MAD1L1: variants seen among roughly 807,000 people sequenced by gnomAD.
MAD1L1 encodes the protein mitotic spindle assembly checkpoint protein MAD1.
In MAD1L1, 95 loss-of-function variants were observed where a neutral mutation model predicts 96.9. The ratio of observed to expected loss-of-function variants is 0.98; its 90% CI spans 0.83 to 1.16. The LOEUF (loss-of-function observed/expected upper bound fraction) is 1.16. Among genes scored for constraint, MAD1L1 ranks in the 50% most tolerant of loss-of-function variants. The probability of loss-of-function intolerance (pLI) is 0.00; values close to 1 mark genes in which losing one functional copy is unlikely to be tolerated. For missense variants in MAD1L1, 1,007 were observed against 954.4 expected (o/e 1.06, Z -0.73); for synonymous variants, 473 against 396.6 (o/e 1.19, Z -2.29).
intron 12 of MAD1L1, among the ~76,000 whole-genome samples, chr7:2,056,716 G>T (rs1447729920): frequency 6.6e-6 from 1 of 152,168 alleles, no homozygotes; most frequent in African/African-American, 2.4e-5. Context: ...CTAGAACCAG[G>T]ACAAGGAGTT....
chr7:2,130,852 A>C lies in MAD1L1; in HGVS notation c.1073+18300T>G, dbSNP rs149771821. ...CTGCTACATCTTCAGTGCGAATGCC[A>C]AATCAACCTTCCCGGAAAGATAAAG... On this transcript the variant is annotated intron_variant, in intron 11 of 18. Coordinates refer to ENST00000265854, the MANE Select transcript of MAD1L1 (RefSeq NM_001013836.2). Among the ~76,000 whole-genome samples, 27 of 152,342 alleles carry C rather than the reference A, an allele frequency of 1.8e-4. 2 individuals carry two copies. Among genetic ancestry groups the C allele is most frequent in the African/African-American group, 6.0e-4 (25 of 41,578 alleles).
At chr7:1,857,478 C>A (rs973853584) in intron 18 of MAD1L1, among the ~76,000 whole-genome samples, 2 of 152,212 alleles carry the variant, frequency 1.3e-5, no homozygotes, top group Non-Finnish European at 2.9e-5. Context: ...AGTCCCCCAC[C>A]CCGCGTGTGC....
chr7:2,103,609 C>T lies in MAD1L1; in HGVS notation c.1074-34271G>A, dbSNP rs986624818. 2.0e-5 allele frequency among the ~76,000 whole-genome samples: 3 copies of T among 152,168 alleles called. No homozygotes were observed. The highest frequency in any genetic ancestry group is 7.2e-5 in the African/African-American group (3 of 41,460). On this transcript the variant is annotated intron_variant, in intron 11 of 18. Transcript: ENST00000265854. The surrounding 1 kb of genome is among the most constrained non-coding windows in gnomAD (Gnocchi z 4.3). ...GCAGCCCTGGGAGCCCCTGCGAAGG[C>T]CTCTCAGGAGCCGGGCAGCACAGCC...
intron 11 of MAD1L1, among the ~76,000 whole-genome samples, chr7:2,120,352 T>C (rs4721418): frequency 0.046 from 7,065 of 152,312 alleles, 260 homozygotes; most frequent in African/African-American, 0.095. Context: ...TAACGAAGGC[T>C]GCGCTGCAGC....
rs192592607 is a variant in MAD1L1 at position 2,146,726 on chromosome 7, G to A, written c.1073+2426C>T. On this transcript the variant is annotated intron_variant, in intron 11 of 18. Transcript: ENST00000265854. This position sits in a 1 kb window ranked among gnomAD's most constrained non-coding sequence, Gnocchi z 6.2. Reference sequence around the variant, plus strand: ...AAAGCCCTCGGGGATCTGGGCCACCGTGGCCTCCCATCTTCTGCCATGCCG... The same window carrying A: ...AAAGCCCTCGGGGATCTGGGCCACCATGGCCTCCCATCTTCTGCCATGCCG... Among the ~76,000 whole-genome samples, 4 of 152,338 alleles carry A rather than the reference G, an allele frequency of 2.6e-5. No homozygotes were observed. The highest frequency in any genetic ancestry group is 7.2e-5 in the African/African-American group (3 of 41,582).
intron 13 of MAD1L1, among the ~76,000 whole-genome samples, chr7:2,013,859 T>A (rs942297244): frequency 5.9e-5 from 9 of 152,116 alleles, no homozygotes; most frequent in Non-Finnish European, 1.3e-4. Flanking sequence ...AGCTCCTTCT[T>A]CCCACTGCAC....
intron 18 of MAD1L1, among the ~76,000 whole-genome samples, chr7:1,885,199 C>T (rs756335784): frequency 6.6e-6 from 1 of 152,122 alleles, no homozygotes; most frequent in African/African-American, 2.4e-5. Flanking sequence ...CCTGCATGGA[C>T]GCCCCCACAC....
intron 16 of MAD1L1, among the ~76,000 whole-genome samples, chr7:1,956,903 G>C (rs1779752599): frequency 6.6e-6 from 1 of 152,234 alleles, no homozygotes; most frequent in South Asian, 2.1e-4. Flanking sequence ...GCCGTAAGTG[G>C]TGCCTGCAGG....
intron 13 of MAD1L1, among the ~76,000 whole-genome samples, chr7:2,002,539 G>A (rs1402940180): frequency 6.6e-6 from 1 of 152,172 alleles, no homozygotes; most frequent in Non-Finnish European, 1.5e-5. Flanking sequence ...CGTGCTTAAA[G>A]AACAGAATCA....
At chr7:2,209,134 C>T (rs1330512039) in intron 10 of MAD1L1, among the ~76,000 whole-genome samples, 3 of 152,212 alleles carry the variant, frequency 2.0e-5, no homozygotes, top group East Asian at 3.8e-4. Context: ...GCACATGTCA[C>T]ATGTGCCCAG....
At chr7:2,209,673 C>G (rs1012545189) in intron 10 of MAD1L1, among the ~76,000 whole-genome samples, 2 of 152,224 alleles carry the variant, frequency 1.3e-5, no homozygotes. Context: ...GGCAGCAGCT[C>G]CTCCACACCC....
chr7:2,164,341 G>A (rs1015235690), intron 10 of MAD1L1, among the ~76,000 whole-genome samples: 27 of 152,202 alleles, frequency 1.8e-4, no homozygotes, highest in African/African-American at 6.3e-4. Context: ...GCCAGGTGAA[G>A]GGCCCAGCTG....
At chr7:1,908,443 GC>G (rs1562513477) in intron 17 of MAD1L1, among the ~76,000 whole-genome samples, 1 of 152,118 alleles carries the variant, frequency 6.6e-6, no homozygotes, top group Non-Finnish European at 1.5e-5. Flanking sequence ...GTGCAGTGGC[GC>G]GATCGTGGCT....
intron 12 of MAD1L1, among the ~76,000 whole-genome samples, chr7:2,053,494 C>T (rs1294156439): frequency 6.6e-6 from 1 of 152,240 alleles, no homozygotes; most frequent in East Asian, 1.9e-4. Flanking sequence ...ATGCTATGAG[C>T]CGGACGCCGG....
intron 10 of MAD1L1, among the ~76,000 whole-genome samples, chr7:2,177,207 T>TA (rs1177830286): frequency 2.0e-5 from 3 of 152,250 alleles, no homozygotes; most frequent in African/African-American, 7.2e-5. Context: ...AACATAGTGT[T>TA]ACAGCCACAA....
At chr7:1,966,269 C>G (rs1049461497) in intron 15 of MAD1L1, among the ~76,000 whole-genome samples, 1 of 152,268 alleles carries the variant, frequency 6.6e-6, no homozygotes. Context: ...GACTTAAACA[C>G]AAAACCTCTT....
intron 11 of MAD1L1, among the ~76,000 whole-genome samples, chr7:2,095,605 C>G (rs192922302): frequency 5.7e-4 from 87 of 152,324 alleles, no homozygotes; most frequent in African/African-American, 2.1e-3. Context: ...ACAGAAAACG[C>G]AAGGAGGCGA....
intron 10 of MAD1L1, among the ~76,000 whole-genome samples, chr7:2,176,287 T>C: frequency 6.6e-6 from 1 of 152,172 alleles, no homozygotes; most frequent in Non-Finnish European, 1.5e-5. Context: ...GGCAGAGGTT[T>C]CAGTGAACCG....
intron 12 of MAD1L1, among the ~76,000 whole-genome samples, chr7:2,019,701 C>T (rs1782699069): frequency 6.6e-6 from 1 of 151,480 alleles, no homozygotes; most frequent in African/African-American, 2.4e-5. Flanking sequence ...CCTCCACCCA[C>T]GCAAGGCCAC....
Sources: allele counts gnomAD v4.1 joint callset (sites outside exome capture counted in the v4.1 genomes callset), GRCh38; gene constraint gnomAD v4.1.1; non-coding constraint Gnocchi (gnomAD v3.1); transcripts MANE v1.5; gene names NCBI Gene and HGNC (gene_info 2026-07-23, HGNC 2026-07-21).